The following ASB3 variants were observed in gnomAD, a reference collection of about 807,000 sequenced individuals.
ASB3 encodes ankyrin repeat and SOCS box protein 3.
Under a neutral mutation model 54.5 loss-of-function variants are expected in ASB3, and 41 were observed. That is an observed-to-expected ratio of 0.75 (90% CI 0.59 to 0.98). The LOEUF is 0.98. ASB3 is among the 50% of genes least tolerant of loss of function. The probability of loss-of-function intolerance (pLI) is 0.00; values close to 1 mark genes in which losing one functional copy is unlikely to be tolerated. For synonymous variants in ASB3, 266 were observed against 221.2 expected (o/e 1.20, Z -1.80); for missense variants, 733 against 620.0 (o/e 1.18, Z -1.94).
At chr2:53,736,420 C>A (rs143855073) in intron 3 of ASB3, among the ~76,000 whole-genome samples, 1,849 of 152,276 alleles carry the variant, frequency 0.012, 22 homozygotes, top group Non-Finnish European at 0.017. Context: ...AATTGGAGGC[C>A]AGGTGCGGTG....
intron 2 of ASB3, among the ~76,000 whole-genome samples, chr2:53,755,908 T>C (rs1672787872): frequency 6.6e-6 from 1 of 152,136 alleles, no homozygotes; most frequent in South Asian, 2.1e-4. Flanking sequence ...TCCCAGCACT[T>C]TGGGAGGCCA....
intron 1 of ASB3, chr2:53,767,277 C>T (rs1338606807): frequency 6.6e-6 from 1 of 152,216 alleles, no homozygotes; most frequent in Non-Finnish European, 1.5e-5. Context: ...GCTACTCTTT[C>T]ACAAGCGTAA....
At chr2:53,726,574 TATTA>T (rs950364518) in intron 5 of ASB3, among the ~76,000 whole-genome samples, 3 of 151,302 alleles carry the variant, frequency 2.0e-5, no homozygotes, top group African/African-American at 4.9e-5. Flanking sequence ...TTAATCTAAA[TATTA>T]ATTAAACATA....
At chr2:53,737,665 G>T (rs1334343539) in intron 3 of ASB3, among the ~76,000 whole-genome samples, 2 of 150,766 alleles carry the variant, frequency 1.3e-5, no homozygotes, top group Admixed American at 6.6e-5. Context: ...GTGAGAGGAA[G>T]GGGAAGGATG....
chr2:53,746,517 G>C (rs1672235360), intron 3 of ASB3, among the ~76,000 whole-genome samples: 1 of 144,870 alleles, frequency 6.9e-6, no homozygotes, highest in African/African-American at 2.6e-5. Flanking sequence ...AGTTATTGTT[G>C]TCCAAGCTGG....
chr2:53,750,816 T>C lies in ASB3; in HGVS notation c.322A>G (p.Thr108Ala). Residue 108 changes from threonine (T) to alanine (A), a missense_variant, in exon 3 of 10, where the codon ACT (threonine) becomes GCT (alanine). Transcript: ENST00000263634. Reference protein sequence around the residue: ...LLEAGADPNATTLEETTPLFL... With the variant: ...LLEAGADPNAATLEETTPLFL... Reference sequence around the variant, plus strand: ...AATGGTGTCGTTTCTTCTAAAGTAGTTGCATTAGGATCTGCCCCAGCTTCT... The same window carrying C: ...AATGGTGTCGTTTCTTCTAAAGTAGCTGCATTAGGATCTGCCCCAGCTTCT... 1.3e-6 allele frequency: 2 copies of C among 1,591,040 alleles called. No homozygotes were observed. The highest frequency in any genetic ancestry group is 1.7e-6 in the Non-Finnish European group (2 of 1,169,958).
intron 1 of ASB3, among the ~76,000 whole-genome samples, chr2:53,781,861 T>A (rs879558684): frequency 3.3e-5 from 5 of 152,246 alleles, no homozygotes; most frequent in Non-Finnish European, 7.3e-5. Flanking sequence ...AAGATTCACC[T>A]AATTACTTAT....
intron 2 of ASB3, among the ~76,000 whole-genome samples, chr2:53,757,412 T>G (rs1445025132): frequency 1.3e-5 from 2 of 152,222 alleles, no homozygotes; most frequent in Non-Finnish European, 2.9e-5. Flanking sequence ...CGGCGTTAGC[T>G]GGTTGAGATC....
At chr2:53,743,131 C>T (rs996561146) in intron 3 of ASB3, among the ~76,000 whole-genome samples, 55 of 148,806 alleles carry the variant, frequency 3.7e-4, no homozygotes, top group African/African-American at 1.3e-3. Context: ...AAGTTTGAAT[C>T]ATTATTCAAT....
chr2:53,758,729 G>C (rs74223536), intron 2 of ASB3, among the ~76,000 whole-genome samples: 1 of 152,140 alleles, frequency 6.6e-6, no homozygotes, highest in Non-Finnish European at 1.5e-5. Context: ...ACCCTGGAAA[G>C]GAATAAGCAC....
intron 5 of ASB3, among the ~76,000 whole-genome samples, chr2:53,725,872 C>T (rs911009548): frequency 6.6e-6 from 1 of 151,980 alleles, no homozygotes; most frequent in Admixed American, 6.6e-5. Context: ...CACCCACTGT[C>T]AGTTTCAGAA....
chr2:53,670,741 A>G, intron 9 of ASB3, 51 bp from the exon 10 acceptor site: 1 of 1,556,258 alleles, frequency 6.4e-7, no homozygotes, highest in Non-Finnish European at 8.7e-7. Context: ...GAAAGATGTA[A>G]TAGCACATAA....
intron 1 of ASB3, chr2:53,774,775 A>ACAGTGAAGGACT (rs1416915256): frequency 3.1e-6 from 1 of 326,668 alleles, no homozygotes; most frequent in Non-Finnish European, 5.5e-6. Context: ...TTAGAAAAAT[A>ACAGTGAAGGACT]CAGTGAAGGA....
intron 1 of ASB3, chr2:53,786,536 A>G (rs1254521288): frequency 6.6e-6 from 1 of 152,316 alleles, no homozygotes; most frequent in Non-Finnish European, 1.5e-5. Context: ...GCCACGGTCC[A>G]CAGCAGAAGA....
chr2:53,777,551 A>G (rs766212582), intron 1 of ASB3, among the ~76,000 whole-genome samples: 14 of 152,232 alleles, frequency 9.2e-5, no homozygotes, highest in Non-Finnish European at 1.9e-4. Context: ...TGTCTGTTAC[A>G]TGAAGGCATC....
chr2:53,718,314 A>G (rs1670511838), intron 5 of ASB3, among the ~76,000 whole-genome samples: 1 of 152,188 alleles, frequency 6.6e-6, no homozygotes, highest in Non-Finnish European at 1.5e-5. Context: ...GGAACAGTGG[A>G]CTTCTCAGCA....
intron 6 of ASB3, among the ~76,000 whole-genome samples, chr2:53,715,131 G>T (rs1670313799): frequency 1.3e-5 from 2 of 151,988 alleles, no homozygotes; most frequent in South Asian, 2.1e-4. Flanking sequence ...AAAAAAAAGT[G>T]AGCTCATTAA....
At chr2:53,672,996 T>C (rs573908782) in intron 9 of ASB3, among the ~76,000 whole-genome samples, 1 of 152,306 alleles carries the variant, frequency 6.6e-6, no homozygotes, top group South Asian at 2.1e-4. Flanking sequence ...CACAACGTAA[T>C]AAAAAGTTTC....
intron 9 of ASB3, 40 bp from the exon 10 acceptor site, chr2:53,670,730 A>G: frequency 6.3e-7 from 1 of 1,582,198 alleles, no homozygotes; most frequent in Non-Finnish European, 8.6e-7. Flanking sequence ...TTTTTTAAAC[A>G]GAAAGATGTA....
Sources: allele counts gnomAD v4.1 joint callset (sites outside exome capture counted in the v4.1 genomes callset), GRCh38; gene constraint gnomAD v4.1.1; transcripts MANE v1.5; gene names NCBI Gene and HGNC (gene_info 2026-07-23, HGNC 2026-07-21).